CUX1: variants seen among roughly 807,000 people sequenced by gnomAD.
The protein encoded by CUX1 is protein CASP.
CUX1 carries 31 observed loss-of-function variants against 158.8 expected under a neutral mutation model. That is an observed-to-expected ratio of 0.20 (90% CI 0.15 to 0.26). The LOEUF is 0.26. Ranked by LOEUF, CUX1 falls within the 10% of genes least tolerant of loss-of-function variation. The pLI is 1.00. For missense variants in CUX1, 1,589 were observed against 2,014.6 expected (o/e 0.79, Z 4.04); for synonymous variants, 879 against 862.1 (o/e 1.02, Z -0.34).
chr7:102,169,020 A>G (rs138483109), intron 9 of CUX1, among the ~76,000 whole-genome samples: 3,924 of 145,742 alleles, frequency 0.027, 191 homozygotes, highest in African/African-American at 0.096. Flanking sequence ...GCAAACCTCT[A>G]CCTCCTGGGT....
intron 2 of CUX1, among the ~76,000 whole-genome samples, chr7:101,966,535 A>G (rs927744719): frequency 2.6e-5 from 4 of 152,108 alleles, no homozygotes; most frequent in Non-Finnish European, 4.4e-5. Context: ...GGTATTTTGC[A>G]CAAAACCCCA....
chr7:102,260,997 A>G (rs186784262), downstream of CUX1, among the ~76,000 whole-genome samples: 1,424 of 152,308 alleles, frequency 9.3e-3, 12 homozygotes, highest in South Asian at 0.042. Context: ...TACGGACCCA[A>G]CCAGGGAACT....
At chr7:102,060,838 T>C (rs1169592847) in intron 3 of CUX1, among the ~76,000 whole-genome samples, 1 of 151,030 alleles carries the variant, frequency 6.6e-6, no homozygotes, top group Non-Finnish European at 1.5e-5. Context: ...GGTCTTGAAT[T>C]CCTGACCTTG....
intron 8 of CUX1, among the ~76,000 whole-genome samples, chr7:102,142,853 T>C (rs1834612007): frequency 6.6e-6 from 1 of 151,260 alleles, no homozygotes; most frequent in Non-Finnish European, 1.5e-5. Flanking sequence ...GCCCATGAGT[T>C]CAAGGCTGCA....
intron 20 of CUX1, among the ~76,000 whole-genome samples, chr7:102,223,614 C>T (rs1459866194): frequency 2.0e-5 from 3 of 152,062 alleles, no homozygotes; most frequent in East Asian, 1.9e-4. Flanking sequence ...GTGATTAAAA[C>T]GATACTTTCT....
intron 4 of CUX1, among the ~76,000 whole-genome samples, chr7:102,076,185 C>G (rs988824107): frequency 6.6e-6 from 1 of 152,102 alleles, no homozygotes; most frequent in Non-Finnish European, 1.5e-5. Context: ...GACTTTGCAA[C>G]TAGCCTGGCC....
chr7:102,212,408 T>C (rs1554523403), intron 20 of CUX1, among the ~76,000 whole-genome samples: 2 of 152,128 alleles, frequency 1.3e-5, no homozygotes, highest in African/African-American at 4.8e-5. Flanking sequence ...GGAAGGCTGC[T>C]TTGCCAGAAC....
intron 3 of CUX1, among the ~76,000 whole-genome samples, chr7:102,065,814 T>C (rs1825481483): frequency 1.3e-5 from 2 of 151,858 alleles, no homozygotes; most frequent in African/African-American, 2.4e-5. Flanking sequence ...TGTTCTGAGA[T>C]GGAGTCTCGC....
chr7:101,973,510 A>G (rs1585138344), intron 2 of CUX1, among the ~76,000 whole-genome samples: 1 of 152,294 alleles, frequency 6.6e-6, no homozygotes, highest in African/African-American at 2.4e-5. Flanking sequence ...TCATGCATAC[A>G]GGGAAAGTTA....
At chr7:101,838,661 G>A (rs1396447627) in intron 1 of CUX1, among the ~76,000 whole-genome samples, 1 of 151,798 alleles carries the variant, frequency 6.6e-6, no homozygotes. Flanking sequence ...AAATTAGCAG[G>A]GCTTGGTGGC....
intron 4 of CUX1, 59 bp downstream of exon 4, chr7:102,070,476 G>A (rs1275641098): frequency 2.6e-5 from 35 of 1,339,018 alleles, no homozygotes; most frequent in Non-Finnish European, 3.7e-5. Context: ...GAGTCGGTGG[G>A]TTTTTGGCTC....
chr7:102,269,818 T>C (rs1791085201), intron 14 of CUX1, among the ~76,000 whole-genome samples: 1 of 140,818 alleles, frequency 7.1e-6, no homozygotes, highest in Non-Finnish European at 1.6e-5. Context: ...TCTTCTTCCA[T>C]GCCCCCCCCA....
At chr7:102,166,342 G>A (rs1227478425) in intron 9 of CUX1, among the ~76,000 whole-genome samples, 4 of 152,152 alleles carry the variant, frequency 2.6e-5, no homozygotes, top group East Asian at 1.9e-4. Flanking sequence ...CAGGCTTGGC[G>A]AGGGGCCGTT....
intron 8 of CUX1, among the ~76,000 whole-genome samples, chr7:102,124,339 A>T (rs1429003931): frequency 6.6e-6 from 1 of 152,214 alleles, no homozygotes; most frequent in Non-Finnish European, 1.5e-5. Flanking sequence ...CTGGGTATTT[A>T]TCCAAAGAAA....
At chr7:102,280,610 C>A (rs1791988577) in intron 19 of CUX1, among the ~76,000 whole-genome samples, 1 of 152,068 alleles carries the variant, frequency 6.6e-6, no homozygotes. Context: ...TCACAGATGT[C>A]AGGGGAGTCC....
At chr7:102,178,896 G>A (rs1385188681) in intron 11 of CUX1, among the ~76,000 whole-genome samples, 11 of 152,072 alleles carry the variant, frequency 7.2e-5, no homozygotes, top group Non-Finnish European at 1.0e-4. Flanking sequence ...TCGGAGTCTC[G>A]CTCTGTTGCC....
At chr7:102,199,280 C>G (rs565620830) in intron 16 of CUX1, among the ~76,000 whole-genome samples, 1 of 152,232 alleles carries the variant, frequency 6.6e-6, no homozygotes, top group East Asian at 1.9e-4. Context: ...TCCTATGGAA[C>G]GGACGCATCC....
chr7:101,905,440 G>C lies in CUX1; in HGVS notation c.31-10675G>C, dbSNP rs182577604. Among the ~76,000 whole-genome samples the C allele has an allele frequency of 2.1e-3, 325 of 152,284 alleles. 1 individual carries two copies. The highest frequency in any genetic ancestry group is 7.4e-3 in the African/African-American group (308 of 41,558). ...GAAACAGCAGAGGAGGTGGCGTTGC[G>C]CCCATCTTACAGACTCCAGATTCTG... On this transcript the variant is annotated intron_variant, in intron 1 of 23. Transcript: ENST00000292535.
At chr7:101,987,353 C>T (rs550663238) in intron 2 of CUX1, among the ~76,000 whole-genome samples, 11 of 152,342 alleles carry the variant, frequency 7.2e-5, no homozygotes, top group Non-Finnish European at 1.2e-4. Flanking sequence ...TGCTCACTCA[C>T]GGCTCAGATA....
Sources: allele counts gnomAD v4.1 joint callset (sites outside exome capture counted in the v4.1 genomes callset), GRCh38; gene constraint gnomAD v4.1.1; transcripts MANE v1.5; gene names NCBI Gene and HGNC (gene_info 2026-07-23, HGNC 2026-07-21).